Variants in AUTS2 observed in about 807,000 individuals in gnomAD.
The protein encoded by AUTS2 is autism susceptibility gene 2 protein.
A neutral mutation model predicts 112.4 loss-of-function variants in AUTS2; 17 were observed. That is an observed-to-expected ratio of 0.15 (90% confidence interval 0.10 to 0.23). The LOEUF (loss-of-function observed/expected upper bound fraction) is 0.23. Among genes scored for constraint, AUTS2 ranks in the 10% least tolerant of loss-of-function variants. AUTS2 has a pLI of 1.00. For missense variants in AUTS2, 1,510 were observed against 1,701.6 expected (o/e 0.89, Z 1.98); for synonymous variants, 751 against 702.7 (o/e 1.07, Z -1.09).
At chr7:70,474,495 C>T (rs1409809402) in intron 5 of AUTS2, among the ~76,000 whole-genome samples, 3 of 152,212 alleles carry the variant, frequency 2.0e-5, no homozygotes, top group Non-Finnish European at 4.4e-5. Flanking sequence ...TTAGAGCTCA[C>T]TATACATCTG....
intron 13 of AUTS2, 44 bp from the exon 14 acceptor site, chr7:70,777,059 C>G (rs1157418933): frequency 1.3e-6 from 2 of 1,593,036 alleles, no homozygotes; most frequent in East Asian, 2.2e-5. Flanking sequence ...GTGGTTTTCT[C>G]TGAAATGTCT....
Position 70,576,961 on chromosome 7 carries a change from ACAAAC to A in AUTS2, c.691-121605_691-121601del, listed in dbSNP as rs147837648. Reference sequence around the variant, plus strand: ...GCTACTCCAGAGGATCTGGAGTAAGACAAACCAGCAGAGAACCAGAGTTAGCCTTT... The same window carrying A: ...GCTACTCCAGAGGATCTGGAGTAAGACAGCAGAGAACCAGAGTTAGCCTTT... On this transcript the variant is annotated intron_variant, in intron 5 of 18. Coordinates refer to ENST00000342771, the MANE Select transcript of AUTS2 (RefSeq NM_015570.4). 8.1e-3 allele frequency among the ~76,000 whole-genome samples: 1,237 copies of A among 152,354 alleles called. 14 individuals are homozygous for A. Among genetic ancestry groups the A allele is most frequent in the African/African-American group, 0.027 (1,136 of 41,590 alleles).
intron 4 of AUTS2, among the ~76,000 whole-genome samples, chr7:70,279,560 A>G (rs770194573): frequency 3.9e-5 from 6 of 152,224 alleles, no homozygotes; most frequent in Non-Finnish European, 7.3e-5. Flanking sequence ...AGCGTTGCCC[A>G]GAAAGGAATC....
At chr7:70,658,635 G>C (rs959510078) in intron 5 of AUTS2, among the ~76,000 whole-genome samples, 3 of 152,210 alleles carry the variant, frequency 2.0e-5, no homozygotes, top group African/African-American at 7.2e-5. Context: ...AACTGCCGGG[G>C]AGATGTCTTA....
chr7:70,186,642 T>G (rs1489565922), intron 4 of AUTS2, among the ~76,000 whole-genome samples: 12 of 152,210 alleles, frequency 7.9e-5, no homozygotes, highest in Non-Finnish European at 1.8e-4. Flanking sequence ...TGATGTCAGC[T>G]CACTGCAACC....
chr7:69,818,265 C>G (rs1468481796), intron 1 of AUTS2, among the ~76,000 whole-genome samples: 1 of 152,164 alleles, frequency 6.6e-6, no homozygotes, highest in African/African-American at 2.4e-5. Context: ...AGACCTGTCA[C>G]TTGTTATGCT....
intron 4 of AUTS2, among the ~76,000 whole-genome samples, chr7:70,368,572 C>T (rs1053259498): frequency 6.6e-6 from 1 of 152,100 alleles, no homozygotes; most frequent in Admixed American, 6.5e-5. Flanking sequence ...ACTGTATGGC[C>T]AACATTAATT....
intron 2 of AUTS2, among the ~76,000 whole-genome samples, chr7:69,984,645 C>T (rs1394786618): frequency 6.6e-6 from 1 of 152,182 alleles, no homozygotes. Context: ...ACGCTGAGAA[C>T]AGTATCCACT....
chr7:70,473,425 T>C (rs1226516144), intron 5 of AUTS2, among the ~76,000 whole-genome samples: 2 of 152,218 alleles, frequency 1.3e-5, no homozygotes, highest in Non-Finnish European at 1.5e-5. Flanking sequence ...TCAGTTTCTG[T>C]GGACTCCGTA....
intron 4 of AUTS2, among the ~76,000 whole-genome samples, chr7:70,354,056 T>C (rs1172497855): frequency 6.6e-6 from 1 of 152,256 alleles, no homozygotes; most frequent in Non-Finnish European, 1.5e-5. Flanking sequence ...CTGTTCTTGC[T>C]AATCGCGTAA....
intron 4 of AUTS2, among the ~76,000 whole-genome samples, chr7:70,266,756 C>T (rs751305053): frequency 6.6e-6 from 1 of 152,194 alleles, no homozygotes; most frequent in Non-Finnish European, 1.5e-5. Flanking sequence ...TGAGTCATTA[C>T]TGAAATCAGT....
chr7:69,671,486 G>GGT (rs201047003), intron 1 of AUTS2, among the ~76,000 whole-genome samples: 2,550 of 138,604 alleles, frequency 0.018, 27 homozygotes, highest in Non-Finnish European at 0.02. Context: ...TGCTGCTGCT[G>GGT]GTGTGTGTGT....
At chr7:69,644,665 A>T (rs1794945905) in intron 1 of AUTS2, among the ~76,000 whole-genome samples, 1 of 152,180 alleles carries the variant, frequency 6.6e-6, no homozygotes, top group South Asian at 2.1e-4. Flanking sequence ...ACATATATCT[A>T]AAAAGAATAC....
At chr7:69,703,988 A>G (rs1467633062) in intron 1 of AUTS2, among the ~76,000 whole-genome samples, 1 of 152,220 alleles carries the variant, frequency 6.6e-6, no homozygotes, top group Non-Finnish European at 1.5e-5. Flanking sequence ...GGAGGTCACA[A>G]CGTCCTGGCT....
intron 2 of AUTS2, among the ~76,000 whole-genome samples, chr7:70,080,038 C>T (rs925353703): frequency 2.6e-5 from 4 of 152,114 alleles, no homozygotes; most frequent in Non-Finnish European, 5.9e-5. Context: ...CCATTATGTT[C>T]CATCTCCCAA....
intron 4 of AUTS2, among the ~76,000 whole-genome samples, chr7:70,349,508 C>T (rs1317918693): frequency 6.6e-6 from 1 of 152,184 alleles, no homozygotes; most frequent in Non-Finnish European, 1.5e-5. Flanking sequence ...GTCATTGGCA[C>T]TCCAATGCTT....
intron 2 of AUTS2, among the ~76,000 whole-genome samples, chr7:70,032,676 T>C (rs1227481599): frequency 1.3e-5 from 2 of 152,100 alleles, no homozygotes; most frequent in African/African-American, 4.8e-5. Context: ...GCCACAGGGA[T>C]ATGAGTACTT....
chr7:70,372,653 T>G (rs1051596016), intron 4 of AUTS2, among the ~76,000 whole-genome samples: 2 of 150,240 alleles, frequency 1.3e-5, no homozygotes, highest in Non-Finnish European at 2.9e-5. Context: ...TTACTTCCTT[T>G]CTTTCTTTTT....
At chr7:70,595,923 T>G (rs1378380091) in intron 5 of AUTS2, among the ~76,000 whole-genome samples, 1 of 152,058 alleles carries the variant, frequency 6.6e-6, no homozygotes. Context: ...GCCCCGTGCC[T>G]TGCCGGGATG....
Sources: gnomAD v4.1 joint callset for allele counts (sites outside exome capture counted in the v4.1 genomes callset) on GRCh38, gnomAD v4.1.1 for gene constraint, MANE v1.5 for transcripts, NCBI Gene and HGNC (gene_info 2026-07-23, HGNC 2026-07-21) for gene names.